Variants in HS3ST4 observed in about 807,000 individuals in gnomAD.
HS3ST4 encodes heparan sulfate-glucosamine 3-sulfotransferase 4.
A neutral mutation model predicts 29.2 loss-of-function variants in HS3ST4; 17 were observed. The ratio of observed to expected loss-of-function variants is 0.58; its 90% confidence interval spans 0.40 to 0.87. The LOEUF is 0.87. Ranked by LOEUF, HS3ST4 falls within the 40% of genes least tolerant of loss-of-function variation. The pLI is 0.00. For missense variants in HS3ST4, 627 were observed against 634.5 expected (o/e 0.99, Z 0.13); for synonymous variants, 314 against 285.7 (o/e 1.10, Z -1.00).
chr16:25,800,795 T>C (rs980167059), intron 1 of HS3ST4, among the ~76,000 whole-genome samples: 1 of 152,050 alleles, frequency 6.6e-6, no homozygotes, highest in Non-Finnish European at 1.5e-5. Flanking sequence ...TTAGTGACCT[T>C]ATAGGAGGGG....
chr16:25,908,087 GGA>G (rs886616642), intron 1 of HS3ST4, among the ~76,000 whole-genome samples: 1 of 152,332 alleles, frequency 6.6e-6, no homozygotes, highest in East Asian at 1.9e-4. Flanking sequence ...TCATAGGTGT[GGA>G]GAGAGAGGTG....
chr16:25,719,375 A>G (rs1215132522), intron 1 of HS3ST4, among the ~76,000 whole-genome samples: 2 of 55,110 alleles, frequency 3.6e-5, no homozygotes, highest in Non-Finnish European at 1.2e-4. Flanking sequence ...AGACAGACAG[A>G]CAAGTGACAA....
chr16:25,903,352 G>GTATATGTATATATTATA (rs1555471429), intron 1 of HS3ST4, among the ~76,000 whole-genome samples: 1 of 132,184 alleles, frequency 7.6e-6, no homozygotes, highest in Non-Finnish European at 1.6e-5. Flanking sequence ...TTATATATAT[G>GTATATGTATATATTATA]TATATGTATA....
intron 1 of HS3ST4, among the ~76,000 whole-genome samples, chr16:26,126,410 A>G (rs1567318333): frequency 6.6e-6 from 1 of 152,244 alleles, no homozygotes; most frequent in Non-Finnish European, 1.5e-5. Flanking sequence ...ATGATGTTTT[A>G]GGCAATAAAG....
intron 1 of HS3ST4, among the ~76,000 whole-genome samples, chr16:25,901,732 A>T (rs2141673622): frequency 6.6e-6 from 1 of 152,270 alleles, no homozygotes; most frequent in Non-Finnish European, 1.5e-5. Flanking sequence ...CACACAGAAG[A>T]GCTGTTTCAG....
rs560264608 is a variant in HS3ST4 at position 25,892,820 on chromosome 16, T to TA, written c.734+199670dup. Among the ~76,000 whole-genome samples, 346 of 152,192 alleles carry TA rather than the reference T, an allele frequency of 2.3e-3. 1 individual carries two copies. Among genetic ancestry groups the TA allele is most frequent in the African/African-American group, 8.1e-3 (338 of 41,548 alleles). Reference sequence around the variant, plus strand: ...CCATAAGATACTTAGTAGGGGCCCCTATGCACTGGGCATGTTTCAGAAACC... The same window carrying TA: ...CCATAAGATACTTAGTAGGGGCCCCTAATGCACTGGGCATGTTTCAGAAACC... On this transcript the variant is annotated intron_variant, in intron 1 of 1. Transcript: ENST00000331351.
rs371811372 is a variant in HS3ST4, at chr16:25,795,214, G to A, written c.734+102063G>A. 9.2e-4 allele frequency among the ~76,000 whole-genome samples: 139 copies of A among 151,846 alleles called. 3 individuals carry two copies. In the South Asian group the frequency reaches 0.027, roughly 29 times the overall value. On this transcript the variant is annotated intron_variant, in intron 1 of 1. Transcript: ENST00000331351. ...TCTTGAATTCCTGACCTCGTGATCC[G>A]CCTGCCTAGGCCTCCCAAAGTGCTG...
chr16:26,090,626 C>A (rs1265719309), intron 1 of HS3ST4, among the ~76,000 whole-genome samples: 1 of 151,996 alleles, frequency 6.6e-6, no homozygotes, highest in Non-Finnish European at 1.5e-5. Flanking sequence ...CAGCAGCCCT[C>A]CCCTTGGAGA....
chr16:26,111,991 C>A (rs62036777), intron 1 of HS3ST4, among the ~76,000 whole-genome samples: 1 of 146,326 alleles, frequency 6.8e-6, no homozygotes, highest in Non-Finnish European at 1.5e-5. Context: ...CACTCCAGCC[C>A]GGCGACAGAG....
intron 1 of HS3ST4, among the ~76,000 whole-genome samples, chr16:26,070,870 T>G (rs772966783): frequency 1.3e-5 from 2 of 152,228 alleles, no homozygotes; most frequent in Non-Finnish European, 2.9e-5. Flanking sequence ...GACATTGTTT[T>G]TGAGGAGACC....
At chr16:25,858,279 C>T (rs578017844) in intron 1 of HS3ST4, among the ~76,000 whole-genome samples, 2 of 152,114 alleles carry the variant, frequency 1.3e-5, no homozygotes, top group South Asian at 2.1e-4. Flanking sequence ...ATCTTTCACT[C>T]GTTCATAGAA....
intron 1 of HS3ST4, among the ~76,000 whole-genome samples, chr16:25,995,529 A>G (rs1198633702): frequency 1.3e-5 from 2 of 152,188 alleles, no homozygotes; most frequent in Non-Finnish European, 2.9e-5. Flanking sequence ...AATGGACTGT[A>G]CTAGGAGCAA....
intron 1 of HS3ST4, among the ~76,000 whole-genome samples, chr16:26,045,003 G>T (rs192013166): frequency 5.9e-5 from 9 of 152,250 alleles, no homozygotes; most frequent in African/African-American, 2.2e-4. Flanking sequence ...TGCCGTCTGT[G>T]CAACCATGAT....
intron 1 of HS3ST4, among the ~76,000 whole-genome samples, chr16:25,907,673 G>T (rs1053352415): frequency 2.0e-5 from 3 of 152,318 alleles, no homozygotes; most frequent in African/African-American, 7.2e-5. Context: ...CAAAGTGCTT[G>T]ATTAGGATTG....
At chr16:25,894,937 A>G (rs1968044823) in intron 1 of HS3ST4, among the ~76,000 whole-genome samples, 1 of 152,250 alleles carries the variant, frequency 6.6e-6, no homozygotes, top group South Asian at 2.1e-4. Context: ...TTGAGCACTT[A>G]CTGCATATCA....
chr16:26,112,381 C>CTTTTTTT (rs386384539), intron 1 of HS3ST4, among the ~76,000 whole-genome samples: 32 of 111,932 alleles, frequency 2.9e-4, no homozygotes, highest in South Asian at 6.9e-4. Flanking sequence ...GCCTCTACAT[C>CTTTTTTT]TTTTTTTTTT....
intron 1 of HS3ST4, among the ~76,000 whole-genome samples, chr16:25,881,183 G>A (rs1348976286): frequency 6.6e-6 from 1 of 152,128 alleles, no homozygotes. Context: ...ACCCTTCGTA[G>A]GCAAATTCAT....
chr16:25,979,413 A>G (rs1325846739), intron 1 of HS3ST4, among the ~76,000 whole-genome samples: 2 of 152,114 alleles, frequency 1.3e-5, no homozygotes, highest in South Asian at 2.1e-4. Flanking sequence ...TATTGTTCAC[A>G]TTACCACCTG....
At chr16:26,034,115 A>G (rs1204581293) in intron 1 of HS3ST4, among the ~76,000 whole-genome samples, 1 of 152,134 alleles carries the variant, frequency 6.6e-6, no homozygotes, top group East Asian at 1.9e-4. Context: ...CTTTTTCTCC[A>G]GGATCTTCCT....
Sources: allele counts gnomAD v4.1 joint callset (sites outside exome capture counted in the v4.1 genomes callset), GRCh38; gene constraint gnomAD v4.1.1; transcripts MANE v1.5; gene names NCBI Gene and HGNC (gene_info 2026-07-23, HGNC 2026-07-21).